Variants in ERICH6 observed in about 807,000 individuals in gnomAD.
The protein encoded by ERICH6 is glutamate rich 6, also known as glutamate-rich protein 6.
In ERICH6, 71 loss-of-function variants were observed where a neutral mutation model predicts 71.0. That is an observed-to-expected ratio of 1.00 (90% CI 0.83 to 1.22). The LOEUF is 1.22. ERICH6 is among the 50% of genes most tolerant of loss of function. ERICH6 has a pLI of 0.00. For synonymous variants in ERICH6, 262 were observed against 278.4 expected (o/e 0.94, Z 0.59); for missense variants, 808 against 797.2 (o/e 1.01, Z -0.16).
rs1247965774 is a variant in ERICH6, at chr3:150,660,107, C to T, written c.1777G>A (p.Asp593Asn). The T allele has an allele frequency of 6.8e-6, 11 of 1,613,930 alleles. No homozygotes were observed. Among genetic ancestry groups the T allele is most frequent in the Non-Finnish European group, 9.3e-6 (11 of 1,180,014 alleles). ...IPILRYVSGDDLLLLASLIKI... is the reference protein window; with the variant it reads ...IPILRYVSGDNLLLLASLIKI... ...ATTAAACTGGCCAGCAGAAGAAGGTCATCTCCACTTACGTATCGGAGGATT... is the reference window on the plus strand; with the variant it reads ...ATTAAACTGGCCAGCAGAAGAAGGTTATCTCCACTTACGTATCGGAGGATT... Residue 593 changes from aspartate (D) to asparagine (N), a missense_variant, in exon 14 of 14, where the codon GAC becomes AAC. Asp to Asn is a conservative substitution (Grantham distance 23). Around this residue, in one of 3 missense-constraint regions of ERICH6, gnomAD observed 736 missense variants for 712.2 expected, o/e 1.03. Transcript: ENST00000295910.
intron 6 of ERICH6, among the ~76,000 whole-genome samples, chr3:150,684,541 G>A (rs1178395634): frequency 6.6e-6 from 1 of 152,106 alleles, no homozygotes; most frequent in East Asian, 1.9e-4. Flanking sequence ...AAGTCATCAA[G>A]GGTTCTCAGA....
chr3:150,701,116 T>C (rs1311237675), intron 2 of ERICH6, among the ~76,000 whole-genome samples: 6 of 152,200 alleles, frequency 3.9e-5, no homozygotes, highest in African/African-American at 1.4e-4. Flanking sequence ...CATTTTAATA[T>C]AATTTATCAT....
intron 10 of ERICH6, among the ~76,000 whole-genome samples, chr3:150,674,543 C>T (rs58493918): frequency 0.055 from 8,332 of 152,194 alleles, 400 homozygotes; most frequent in African/African-American, 0.14. Flanking sequence ...GCCTCTTCTT[C>T]TTCAAGAGTG....
chr3:150,679,035 C>CAAAAAAAAAAAAAAAAA (rs1160094551), intron 9 of ERICH6, among the ~76,000 whole-genome samples: 1 of 65,224 alleles, frequency 1.5e-5, no homozygotes, highest in African/African-American at 6.1e-5. Flanking sequence ...GACTCTGTCT[C>CAAAAAAAAAAAAAAAAA]AAAAAAAAAA....
Position 150,680,837 on chromosome 3 carries a change from C to T in ERICH6, c.976G>A (p.Asp326Asn), listed in dbSNP as rs746584101. The stretch of plus-strand genomic sequence containing the variant: ...TCACTACCATGGGCTGCATGAGGGT[C>T]AATAGCAATTAATTCAGCTTTAGGG... ...KPPKAELIAI[D>N]PHAAHGSEVD... The change falls in exon 8 of 14, where the codon GAC (aspartate) becomes AAC (asparagine). Residue 326 changes from aspartate to asparagine, a missense_variant. By Grantham distance (23) the Asp-to-Asn change is conservative. Coordinates refer to ENST00000295910, the MANE Select transcript of ERICH6 (RefSeq NM_152394.5). 1 of 1,613,992 alleles carries T rather than the reference C, an allele frequency of 6.2e-7. No homozygotes were observed. Among genetic ancestry groups the T allele is most frequent in the East Asian group, 2.2e-5 (1 of 44,870 alleles).
chr3:150,684,542 G>T (rs775704816), intron 6 of ERICH6, among the ~76,000 whole-genome samples: 1 of 152,122 alleles, frequency 6.6e-6, no homozygotes, highest in Non-Finnish European at 1.5e-5. Flanking sequence ...AGTCATCAAG[G>T]GTTCTCAGAT....
At chr3:150,676,075 G>A (rs554929184) in intron 10 of ERICH6, among the ~76,000 whole-genome samples, 13 of 151,782 alleles carry the variant, frequency 8.6e-5, no homozygotes, top group African/African-American at 2.7e-4. Flanking sequence ...ACAAATGCAC[G>A]TTAGACCTTT....
In ERICH6 at chr3:150,680,439, G is replaced by T. The variant is rs530614207; in HGVS notation, c.1111+29C>A. 24 of 1,591,856 alleles carry T rather than the reference G, an allele frequency of 1.5e-5. No individual in the cohort carries two copies. In the East Asian group the frequency reaches 4.5e-4, roughly 30 times the overall value. On this transcript the variant is annotated intron_variant, in intron 9 of 13. Coordinates refer to ENST00000295910, the MANE Select transcript of ERICH6 (RefSeq NM_152394.5). ...TGAGCTTTCTGACGTTGTACAGCTG[G>T]TCTATAAGATCAGCACTAATGAACT...
At chr3:150,684,330 T>C (rs1400775545) in intron 6 of ERICH6, among the ~76,000 whole-genome samples, 6 of 152,232 alleles carry the variant, frequency 3.9e-5, no homozygotes, top group Non-Finnish European at 7.3e-5. Context: ...ATAGATATTA[T>C]ATTACATGAT....
intron 3 of ERICH6, among the ~76,000 whole-genome samples, chr3:150,695,942 A>G (rs1712641586): frequency 6.6e-6 from 1 of 152,042 alleles, no homozygotes. Flanking sequence ...TGGAATTTTG[A>G]TTCTAAAATA....
intron 13 of ERICH6, among the ~76,000 whole-genome samples, chr3:150,662,356 C>A (rs528586129): frequency 3.3e-5 from 5 of 152,152 alleles, no homozygotes; most frequent in Admixed American, 6.5e-5. Flanking sequence ...AACAAGTTCA[C>A]AACCATTTTG....
chr3:150,681,062 A>G, intron 7 of ERICH6, 132 bp from the exon 8 acceptor site: 1 of 885,756 alleles, frequency 1.1e-6, no homozygotes, highest in Non-Finnish European at 1.6e-6. Flanking sequence ...TTATTAAGAT[A>G]TAATTCACAT....
intron 2 of ERICH6, among the ~76,000 whole-genome samples, chr3:150,700,373 A>C (rs1712826379): frequency 6.6e-6 from 1 of 151,192 alleles, no homozygotes; most frequent in African/African-American, 2.4e-5. Context: ...ACAAGGGCAA[A>C]ATGAAGAAAT....
chr3:150,685,339 C>T, intron 6 of ERICH6, among the ~76,000 whole-genome samples: 1 of 152,142 alleles, frequency 6.6e-6, no homozygotes, highest in Non-Finnish European at 1.5e-5. Context: ...CATTTGGACC[C>T]AGACACACAG....
At chr3:150,667,909 T>C (rs902559575) in intron 12 of ERICH6, among the ~76,000 whole-genome samples, 1 of 152,146 alleles carries the variant, frequency 6.6e-6, no homozygotes, top group Non-Finnish European at 1.5e-5. Flanking sequence ...GGAAAAGACC[T>C]CTTTCTAAAA....
At chr3:150,682,604 A>G (rs1712014787) in intron 6 of ERICH6, among the ~76,000 whole-genome samples, 2 of 152,210 alleles carry the variant, frequency 1.3e-5, no homozygotes, top group Admixed American at 1.3e-4. Flanking sequence ...AGTTGCAGAA[A>G]TGAATTCACT....
chr3:150,680,990 A>G (rs878887690), intron 7 of ERICH6, 60 bp from the exon 8 acceptor site: 5 of 1,477,280 alleles, frequency 3.4e-6, no homozygotes, highest in Non-Finnish European at 4.5e-6. Context: ...ATTAGAGGGG[A>G]TAAAAATGAC....
chr3:150,671,709 CT>C (rs1559911408), intron 11 of ERICH6, among the ~76,000 whole-genome samples: 1 of 152,216 alleles, frequency 6.6e-6, no homozygotes, highest in African/African-American at 2.4e-5. Flanking sequence ...TCACTGCAGC[CT>C]CCACCTCTCT....
intron 3 of ERICH6, 34 bp downstream of exon 3, chr3:150,698,757 C>T (rs1712748679): frequency 6.4e-7 from 1 of 1,553,830 alleles, no homozygotes; most frequent in Non-Finnish European, 8.9e-7. Flanking sequence ...GCAATCCCTC[C>T]TCCCAGGAAA....
Sources: allele counts gnomAD v4.1 joint callset (sites outside exome capture counted in the v4.1 genomes callset), GRCh38; gene constraint gnomAD v4.1.1; regional missense constraint gnomAD v4.1.1; transcripts MANE v1.5; gene names NCBI Gene and HGNC (gene_info 2026-07-23, HGNC 2026-07-21).